GPHN: variants seen among roughly 807,000 people sequenced by gnomAD.
GPHN encodes gephyrin.
A neutral mutation model predicts 95.5 loss-of-function variants in GPHN; 17 were observed. The ratio of observed to expected loss-of-function variants is 0.18; its 90% CI spans 0.12 to 0.27. GPHN has a LOEUF of 0.27. GPHN is among the 10% of genes least tolerant of loss of function. The probability of loss-of-function intolerance (pLI) is 1.00; values close to 1 mark genes in which losing one functional copy is unlikely to be tolerated. For missense variants in GPHN, 660 were observed against 978.1 expected, an observed-to-expected ratio of 0.67 and a Z score of 4.34; for synonymous variants, 320 against 322.5, an observed-to-expected ratio of 0.99 and a Z score of 0.08.
the GPHN span, chr14:67,695,647 C>G: frequency 1.2e-6 from 2 of 1,614,038 alleles, no homozygotes; most frequent in African/African-American, 2.7e-5. Flanking sequence ...GGGGCGCAGC[C>G]ATATACAGAA....
chr14:66,732,990 G>A (rs1236042905), intron 2 of GPHN, among the ~76,000 whole-genome samples: 2 of 152,130 alleles, frequency 1.3e-5, no homozygotes, highest in East Asian at 3.9e-4. Context: ...GGCCAGGGGT[G>A]GAATGATACA....
the GPHN span, among the ~76,000 whole-genome samples, chr14:67,535,574 G>A: frequency 1.3e-5 from 2 of 151,788 alleles, no homozygotes; most frequent in African/African-American, 4.8e-5. Flanking sequence ...TAGAGACAGG[G>A]TTTCACCATG....
At chr14:66,625,368 C>T (rs1361350122) in intron 1 of GPHN, among the ~76,000 whole-genome samples, 5 of 152,068 alleles carry the variant, frequency 3.3e-5, no homozygotes, top group Admixed American at 1.3e-4. Context: ...CCACCATGCC[C>T]GGCCATTGTC....
intron 9 of GPHN, among the ~76,000 whole-genome samples, chr14:66,982,134 A>T (rs1225436450): frequency 6.6e-6 from 1 of 152,076 alleles, no homozygotes; most frequent in African/African-American, 2.4e-5. Context: ...TAAGCTATGA[A>T]ATATATGTTT....
chr14:67,732,126 CAAAAAAA>C, the GPHN span, among the ~76,000 whole-genome samples: 3 of 77,528 alleles, frequency 3.9e-5, no homozygotes, highest in Admixed American at 2.7e-4. Flanking sequence ...GACTCTGTCT[CAAAAAAA>C]AAAAAAAAAA....
At chr14:67,684,425 C>G in the GPHN span, 1 of 152,080 alleles carries the variant, frequency 6.6e-6, no homozygotes, top group Admixed American at 6.5e-5. Context: ...TTAATGGTAG[C>G]TGAGGCTCCA....
At chr14:66,653,272 T>G (rs969156349) in intron 1 of GPHN, among the ~76,000 whole-genome samples, 2 of 152,208 alleles carry the variant, frequency 1.3e-5, no homozygotes, top group Non-Finnish European at 2.9e-5. Flanking sequence ...CTGGCTGCAT[T>G]TAGTCAGCCA....
chr14:67,302,057 G>A, the GPHN span: 3 of 1,609,600 alleles, frequency 1.9e-6, no homozygotes, highest in South Asian at 1.1e-5. Context: ...GAAAGTATTG[G>A]CCAGTATGGA....
the GPHN span, among the ~76,000 whole-genome samples, chr14:67,331,130 T>G: frequency 6.6e-6 from 1 of 152,142 alleles, no homozygotes; most frequent in Non-Finnish European, 1.5e-5. Context: ...CTGCAACCTC[T>G]GCTTCCTGGG....
intron 13 of GPHN, among the ~76,000 whole-genome samples, chr14:67,102,380 A>T (rs2077758660): frequency 2.0e-5 from 3 of 151,846 alleles, no homozygotes; most frequent in African/African-American, 7.3e-5. Flanking sequence ...TAAAAGTGGC[A>T]GCGGGCGTGG....
At chr14:66,867,183 A>G (rs953742232) in intron 4 of GPHN, among the ~76,000 whole-genome samples, 1 of 152,206 alleles carries the variant, frequency 6.6e-6, no homozygotes, top group African/African-American at 2.4e-5. Context: ...TTCATTAGCA[A>G]TAAGATAATA....
At chr14:66,878,857 G>T (rs927722781) in intron 4 of GPHN, among the ~76,000 whole-genome samples, 1 of 151,546 alleles carries the variant, frequency 6.6e-6, no homozygotes, top group African/African-American at 2.4e-5. Context: ...CCATTACTGG[G>T]TATATACCCA....
the GPHN span, chr14:67,573,211 C>T: frequency 1.0e-6 from 1 of 985,612 alleles, no homozygotes; most frequent in Non-Finnish European, 1.6e-6. The surrounding 1 kb of genome is among the most constrained non-coding windows in gnomAD (Gnocchi z 4.8). Flanking sequence ...CCACTTGGAC[C>T]TGTGTGATGT....
At chr14:67,340,974 T>G in the GPHN span, among the ~76,000 whole-genome samples, 38 of 152,214 alleles carry the variant, frequency 2.5e-4, no homozygotes, top group African/African-American at 9.2e-4. Context: ...GTTCACTCAG[T>G]GCTCAATGGT....
chr14:66,679,914 G>A (rs1456296879), intron 1 of GPHN, among the ~76,000 whole-genome samples: 1 of 151,756 alleles, frequency 6.6e-6, no homozygotes, highest in African/African-American at 2.4e-5. Context: ...CTTTTCCCTT[G>A]ATTGTTAGTC....
Position 67,004,785 on chromosome 14 carries a change from C to G in GPHN, c.964-18848C>G, listed in dbSNP as rs1340650956. Among the ~76,000 whole-genome samples the G allele has an allele frequency of 3.3e-5, 5 of 151,656 alleles. No homozygotes were observed. In the East Asian group the frequency reaches 7.7e-4, roughly 23 times the overall value. On this transcript the variant is annotated intron_variant, in intron 9 of 22. Transcript: ENST00000478722. The stretch of plus-strand genomic sequence containing the variant: ...AAAATGCCGTAATACCTCTTTAGAC[C>G]ACATTTTTCTCTATCAGAGATGGTG...
At chr14:67,070,925 A>G (rs1339445529) in intron 11 of GPHN, among the ~76,000 whole-genome samples, 2 of 151,958 alleles carry the variant, frequency 1.3e-5, no homozygotes, top group East Asian at 3.9e-4. Context: ...AATCAAAACT[A>G]CAATGAGACA....
intron 2 of GPHN, among the ~76,000 whole-genome samples, chr14:66,749,036 C>T (rs1412290105): frequency 1.3e-5 from 2 of 151,938 alleles, no homozygotes; most frequent in African/African-American, 4.8e-5. Context: ...AAGCCACCAG[C>T]AACCATGGAT....
At chr14:67,527,036 T>C in the GPHN span, among the ~76,000 whole-genome samples, 130 of 152,352 alleles carry the variant, frequency 8.5e-4, no homozygotes, top group African/African-American at 3.0e-3. Flanking sequence ...GGTCAGCTCA[T>C]TCTATCCATG....
Sources: allele counts gnomAD v4.1 joint callset (sites outside exome capture counted in the v4.1 genomes callset), GRCh38; gene constraint gnomAD v4.1.1; non-coding constraint Gnocchi (gnomAD v3.1); transcripts MANE v1.5; gene names NCBI Gene and HGNC (gene_info 2026-07-23, HGNC 2026-07-21).